Variants in DSCAML1 observed in about 807,000 individuals in gnomAD.
The protein encoded by DSCAML1 is cell adhesion molecule DSCAML1.
In DSCAML1, 38 loss-of-function variants were observed where a neutral mutation model predicts 200.5. That is an observed-to-expected ratio of 0.19 (90% confidence interval 0.15 to 0.25). The LOEUF is 0.25. Among genes scored for constraint, DSCAML1 ranks in the 10% least tolerant of loss-of-function variants. The pLI, the probability that DSCAML1 is intolerant of heterozygous loss-of-function variation, is 1.00. For missense variants in DSCAML1, 2,223 were observed against 2,858.8 expected, an observed-to-expected ratio of 0.78 and a Z score of 5.07; for synonymous variants, 1,215 against 1,165.0, an observed-to-expected ratio of 1.04 and a Z score of -0.87.
chr11:117,498,179 G>A lies in DSCAML1; in HGVS notation c.2359+5666C>T, dbSNP rs1253953747. ...TGACGAGATAGGACCCACCACCGGG[G>A]AACACACAGGAATATCTTGGGCCAG... is the stretch of plus-strand genomic sequence containing the variant. On this transcript the variant is annotated intron_variant, in intron 11 of 32. Coordinates refer to ENST00000651296, the MANE Select transcript of DSCAML1 (RefSeq NM_020693.4). The surrounding 1 kb of genome is among the most constrained non-coding windows in gnomAD (Gnocchi z 4.0). Among the ~76,000 whole-genome samples, 1 of 152,214 alleles carries A rather than the reference G, an allele frequency of 6.6e-6. No homozygotes were observed. The highest frequency in any genetic ancestry group is 1.5e-5 in the Non-Finnish European group (1 of 68,038).
chr11:117,465,799 C>T (rs1190180258), intron 16 of DSCAML1, among the ~76,000 whole-genome samples: 2 of 152,044 alleles, frequency 1.3e-5, no homozygotes, highest in African/African-American at 2.4e-5. Flanking sequence ...TATCATTTGG[C>T]ATGGGTTCAG....
intron 11 of DSCAML1, among the ~76,000 whole-genome samples, chr11:117,493,150 A>C (rs2049220043): frequency 6.6e-6 from 1 of 152,098 alleles, no homozygotes; most frequent in Non-Finnish European, 1.5e-5. Flanking sequence ...TTTCTGCTGC[A>C]CTGGGGGTCC....
Position 117,480,625 on chromosome 11 carries a change from C to T in DSCAML1, c.2657-54G>A, listed in dbSNP as rs1278047710. The T allele has an allele frequency of 6.5e-7, 1 of 1,544,446 alleles. No homozygotes were observed. Among genetic ancestry groups the T allele is most frequent in the African/African-American group, 1.4e-5 (1 of 73,036 alleles). On this transcript the variant is annotated intron_variant, in intron 13 of 32. Coordinates refer to ENST00000651296, the MANE Select transcript of DSCAML1 (RefSeq NM_020693.4). This position sits in a 1 kb window ranked among gnomAD's most constrained non-coding sequence, Gnocchi z 4.1. ...GTGAGGAGGGCAGCAGGGAGCTTGG[C>T]CTCCTGCTTGGCCCTGAGGATTGGC...
intron 3 of DSCAML1, among the ~76,000 whole-genome samples, chr11:117,679,591 G>A (rs1044188815): frequency 2.6e-5 from 4 of 152,150 alleles, no homozygotes; most frequent in African/African-American, 9.7e-5. Context: ...CCCTTTCTCA[G>A]GTGGTTTCTA....
At position 117,441,816 on chromosome 11, in the gene DSCAML1, G is replaced by T. The variant is rs544620074; in HGVS notation, c.3863-1880C>A. On this transcript the variant is annotated intron_variant, in intron 21 of 32. Transcript: ENST00000651296. The stretch of plus-strand genomic sequence containing the variant: ...TTGGAGCAGTGGGGGCACCAGACAG[G>T]CCCGGCAGAGGGGTCCACATGAAGA... Among the ~76,000 whole-genome samples, 25 of 152,268 alleles carry T rather than the reference G, an allele frequency of 1.6e-4. 1 individual carries two copies. In the South Asian group the frequency reaches 5.0e-3, roughly 30 times the overall value.
intron 3 of DSCAML1, among the ~76,000 whole-genome samples, chr11:117,589,315 G>C (rs633985): frequency 0.64 from 96,574 of 152,074 alleles, 31,405 homozygotes; most frequent in African/African-American, 0.78. Context: ...CTCCTGTCAC[G>C]CAGCTATTTA....
intron 3 of DSCAML1, among the ~76,000 whole-genome samples, chr11:117,559,060 G>A (rs1362121453): frequency 1.3e-5 from 2 of 152,152 alleles, no homozygotes; most frequent in Non-Finnish European, 1.5e-5. Flanking sequence ...TTGGGGAGAA[G>A]TTGGGAAGGA....
At chr11:117,551,652 G>A (rs1228771306) in intron 3 of DSCAML1, among the ~76,000 whole-genome samples, 3 of 152,190 alleles carry the variant, frequency 2.0e-5, no homozygotes, top group Non-Finnish European at 4.4e-5. Flanking sequence ...CTATAAGATA[G>A]AGGTAGTTGC....
intron 3 of DSCAML1, among the ~76,000 whole-genome samples, chr11:117,695,676 C>T (rs746912448): frequency 2.6e-5 from 4 of 152,110 alleles, no homozygotes; most frequent in Non-Finnish European, 5.9e-5. Flanking sequence ...ACAGAGAGAT[C>T]CAAAGGATGA....
chr11:117,652,806 T>A (rs554809236), intron 3 of DSCAML1, among the ~76,000 whole-genome samples: 1 of 152,154 alleles, frequency 6.6e-6, no homozygotes, highest in Admixed American at 6.5e-5. Context: ...CTCAGCCCCA[T>A]AAAAGGCATT....
At chr11:117,453,419 C>T (rs2048317013) in intron 19 of DSCAML1, among the ~76,000 whole-genome samples, 2 of 152,176 alleles carry the variant, frequency 1.3e-5, no homozygotes, top group Admixed American at 1.3e-4. Flanking sequence ...TGGTATTTCT[C>T]TAGGGCAGGT....
At chr11:117,788,035 G>A (rs12286624) in intron 1 of DSCAML1, among the ~76,000 whole-genome samples, 4,381 of 152,188 alleles carry the variant, frequency 0.029, 218 homozygotes, top group African/African-American at 0.1. Flanking sequence ...CCAGCCAGAC[G>A]GTGTCTTGCT....
At chr11:117,512,543 G>A (rs1191216830) in intron 8 of DSCAML1, among the ~76,000 whole-genome samples, 1 of 152,116 alleles carries the variant, frequency 6.6e-6, no homozygotes, top group Non-Finnish European at 1.5e-5. Flanking sequence ...TCTTGGTCCA[G>A]AGAGAAAACA....
chr11:117,473,405 G>C (rs909582164), intron 14 of DSCAML1, among the ~76,000 whole-genome samples: 1 of 152,166 alleles, frequency 6.6e-6, no homozygotes, highest in African/African-American at 2.4e-5. Flanking sequence ...GCTGAGACAG[G>C]AGAATTGCTT....
intron 1 of DSCAML1, among the ~76,000 whole-genome samples, chr11:117,786,847 C>A (rs1254666460): frequency 6.6e-6 from 1 of 152,184 alleles, no homozygotes; most frequent in African/African-American, 2.4e-5. Flanking sequence ...TGCCACACCC[C>A]CTCAGAGACA....
chr11:117,662,521 G>C lies in DSCAML1; in HGVS notation c.511+114270C>G, dbSNP rs140158086. Among the ~76,000 whole-genome samples the C allele has an allele frequency of 1.9e-4, 29 of 152,310 alleles. 1 individual carries two copies. In the East Asian group the frequency reaches 3.7e-3, roughly 19 times the overall value. On this transcript the variant is annotated intron_variant, in intron 3 of 32. Coordinates refer to ENST00000651296, the MANE Select transcript of DSCAML1 (RefSeq NM_020693.4). ...ACTCGTCGAGAATGCCAGAGAAAAG[G>C]CTCTCTCATGGGTGGCAGATGCTCT...
intron 4 of DSCAML1, among the ~76,000 whole-genome samples, chr11:117,527,320 C>T (rs749713231): frequency 6.6e-5 from 10 of 152,174 alleles, no homozygotes; most frequent in Non-Finnish European, 1.3e-4. Context: ...TGCCACCCCA[C>T]GTGACTCTCC....
At chr11:117,634,377 T>C (rs954115634) in intron 3 of DSCAML1, among the ~76,000 whole-genome samples, 1 of 152,194 alleles carries the variant, frequency 6.6e-6, no homozygotes, top group Non-Finnish European at 1.5e-5. Context: ...ATATACCCTT[T>C]CCAGCCTCCG....
At chr11:117,491,931 G>T (rs1411023112) in intron 11 of DSCAML1, among the ~76,000 whole-genome samples, 1 of 152,168 alleles carries the variant, frequency 6.6e-6, no homozygotes, top group Admixed American at 6.5e-5. Flanking sequence ...GGAGCCAGGG[G>T]ACCAAGGGGT....
Sources: allele counts gnomAD v4.1 joint callset (sites outside exome capture counted in the v4.1 genomes callset), GRCh38; gene constraint gnomAD v4.1.1; non-coding constraint Gnocchi (gnomAD v3.1); transcripts MANE v1.5; gene names NCBI Gene and HGNC (gene_info 2026-07-23, HGNC 2026-07-21).